The following KIF11 variants were observed in gnomAD, a reference collection of about 807,000 sequenced individuals.
KIF11 encodes kinesin-like protein KIF11.
In KIF11, 9 loss-of-function variants were observed where a neutral mutation model predicts 121.0. The ratio of observed to expected loss-of-function variants is 0.07; its 90% CI spans 0.04 to 0.13. The LOEUF (loss-of-function observed/expected upper bound fraction) is 0.13. KIF11 is among the 10% of genes least tolerant of loss of function. The pLI, the probability that KIF11 is intolerant of heterozygous loss-of-function variation, is 1.00. For missense variants in KIF11, 846 were observed against 1,217.5 expected, an observed-to-expected ratio of 0.69 and a Z score of 4.54; for synonymous variants, 408 against 421.0, an observed-to-expected ratio of 0.97 and a Z score of 0.38.
At position 92,630,169 on chromosome 10, in the gene KIF11, T is replaced by C. The variant is rs1054754482; in HGVS notation, c.1306-7T>C. 2 of 1,449,002 alleles carry C rather than the reference T, an allele frequency of 1.4e-6. No individual in the cohort carries two copies. Among genetic ancestry groups the C allele is most frequent in the Non-Finnish European group, 1.9e-6 (2 of 1,078,682 alleles). 89.8% of individuals were successfully genotyped at this position (1,449,002 alleles called of 1,614,324 possible). On this transcript the variant is annotated splice_polypyrimidine_tract_variant and splice_region_variant and intron_variant, in intron 11 of 21. Coordinates refer to ENST00000260731, the MANE Select transcript of KIF11 (RefSeq NM_004523.4). ...CAGCTCAGCGTTTTTTAAATTCTTA[T>C]ATTTAGGTTACAGAGTTGTTTATGG... is the stretch of plus-strand genomic sequence containing the variant.
At chr10:92,615,848 T>C (rs1844549109) in intron 8 of KIF11, among the ~76,000 whole-genome samples, 1 of 151,206 alleles carries the variant, frequency 6.6e-6, no homozygotes, top group South Asian at 2.1e-4. Flanking sequence ...TTTTGTTTTT[T>C]TTTTTTTTTG....
intron 6 of KIF11, among the ~76,000 whole-genome samples, chr10:92,610,068 T>G (rs949617829): frequency 1.3e-5 from 2 of 152,164 alleles, no homozygotes; most frequent in African/African-American, 4.8e-5. Context: ...AATCCTTTTA[T>G]TCTAGTAACA....
In KIF11 at chr10:92,621,596, T is replaced by G. The variant is rs1234613962; in HGVS notation, c.1217+123T>G. 12 of 595,974 alleles carry G rather than the reference T, an allele frequency of 2.0e-5. No individual in the cohort carries two copies. The East Asian group carries it at 3.6e-4, about 18-fold the overall frequency. 36.9% of individuals were successfully genotyped at this position (595,974 alleles called of 1,614,324 possible). A position where few individuals can be genotyped will look rare whatever the true frequency, so the allele number is the denominator to read the frequency against. On this transcript the variant is annotated intron_variant, in intron 10 of 21. Transcript: ENST00000260731. ...ATCCAGTGCCGATAAATACTTCATT[T>G]TGTGTGTGTGTGTGTTTTCTTTTGA... is the stretch of plus-strand genomic sequence containing the variant.
At chr10:92,606,761 G>A (rs745803939) in intron 3 of KIF11, 45 bp downstream of exon 3, 5 of 972,724 alleles carry the variant, frequency 5.1e-6, no homozygotes, top group African/African-American at 3.3e-5. Flanking sequence ...AAGCTTAAAT[G>A]CTTGTGTTTT....
At chr10:92,635,639 T>C (rs1844787370) in intron 14 of KIF11, among the ~76,000 whole-genome samples, 1 of 152,160 alleles carries the variant, frequency 6.6e-6, no homozygotes, top group South Asian at 2.1e-4. Flanking sequence ...AATACTGTAG[T>C]AGTTACCAAC....
At chr10:92,625,274 GGT>G (rs1844661952) in intron 10 of KIF11, among the ~76,000 whole-genome samples, 1 of 151,848 alleles carries the variant, frequency 6.6e-6, no homozygotes, top group African/African-American at 2.4e-5. Flanking sequence ...AACAATTAAT[GGT>G]GTTAAACATA....
At chr10:92,633,944 C>A in intron 14 of KIF11, 149 bp downstream of exon 14, 1 of 575,452 alleles carries the variant, frequency 1.7e-6, no homozygotes, top group Non-Finnish European at 3.0e-6. Context: ...GTCATAGACA[C>A]GTCACTGTGA....
intron 17 of KIF11, among the ~76,000 whole-genome samples, chr10:92,640,970 A>C (rs1844859448): frequency 7.1e-6 from 1 of 140,132 alleles, no homozygotes; most frequent in Admixed American, 7.4e-5. Context: ...CTGATCTTGA[A>C]CTCCTGGTCT....
At chr10:92,611,623 G>T (rs139876247) in intron 6 of KIF11, among the ~76,000 whole-genome samples, 2,267 of 152,152 alleles carry the variant, frequency 0.015, 31 homozygotes, top group South Asian at 0.035. Context: ...ACTTGGCTGG[G>T]CGCGATGGCT....
At chr10:92,605,273 C>A (rs537034815) in intron 1 of KIF11, among the ~76,000 whole-genome samples, 1 of 152,132 alleles carries the variant, frequency 6.6e-6, no homozygotes, top group Non-Finnish European at 1.5e-5. Flanking sequence ...AATAATATTA[C>A]CAACCTCACA....
In KIF11 at chr10:92,613,655, C is replaced by T. The variant is rs986835370; in HGVS notation, c.1032+36C>T. On this transcript the variant is annotated intron_variant, in intron 8 of 21. Coordinates refer to ENST00000260731, the MANE Select transcript of KIF11 (RefSeq NM_004523.4). This position sits in a 1 kb window ranked among gnomAD's most constrained non-coding sequence, Gnocchi z 4.2. Reference sequence around the variant, plus strand: ...TGAAAGGAAGCTGCAAGTGTAGTAGCTGTAATTCTTATTTGGCTATTATAT... The same window carrying T: ...TGAAAGGAAGCTGCAAGTGTAGTAGTTGTAATTCTTATTTGGCTATTATAT... 6.4e-7 allele frequency: 1 copy of T among 1,564,490 alleles called. No homozygotes were observed. The highest frequency in any genetic ancestry group is 2.0e-5 in the Admixed American group (1 of 49,920).
intron 9 of KIF11, among the ~76,000 whole-genome samples, chr10:92,617,851 G>T (rs999704116): frequency 6.6e-6 from 1 of 151,382 alleles, no homozygotes; most frequent in Non-Finnish European, 1.5e-5. Context: ...GTGATTCTTC[G>T]ACCTCAGTCT....
rs1417276135 is a variant in KIF11 at position 92,613,756 on chromosome 10, G to A, written c.1032+137G>A. On this transcript the variant is annotated intron_variant, in intron 8 of 21. Transcript: ENST00000260731. The surrounding 1 kb of genome is among the most constrained non-coding windows in gnomAD (Gnocchi z 4.2). ...CCCAGCACTTTGGAAGTCCAAGGTG[G>A]GCGGATCACTTGAGCTTAGGAGTGC... is the stretch of plus-strand genomic sequence containing the variant. 2 of 798,824 alleles carry A rather than the reference G, an allele frequency of 2.5e-6. No homozygotes were observed. The highest frequency in any genetic ancestry group is 2.9e-5 in the Admixed American group (1 of 34,196). 49.5% of individuals were successfully genotyped at this position (798,824 alleles called of 1,614,324 possible).
At chr10:92,596,923 A>G (rs1040102628) in intron 1 of KIF11, 11 of 289,512 alleles carry the variant, frequency 3.8e-5, no homozygotes, top group African/African-American at 1.1e-4. Flanking sequence ...GTTCTGTGCT[A>G]TGTGTCTGCA....
intron 18 of KIF11, 128 bp downstream of exon 18, chr10:92,645,770 A>G (rs1324923215): frequency 2.9e-6 from 2 of 687,016 alleles, no homozygotes; most frequent in African/African-American, 3.6e-5. Flanking sequence ...TTTAAGTATA[A>G]TATTTGGTAT....
intron 18 of KIF11, 100 bp downstream of exon 18, chr10:92,645,742 GCTATAATGA>G (rs1844911813): frequency 1.0e-6 from 1 of 958,158 alleles, no homozygotes; most frequent in Non-Finnish European, 1.5e-6. Context: ...GATATTTTAA[GCTATAATGA>G]CTTAAACTTT....
chr10:92,609,775 T>A (rs1844474532), intron 6 of KIF11, among the ~76,000 whole-genome samples: 1 of 152,150 alleles, frequency 6.6e-6, no homozygotes, highest in South Asian at 2.1e-4. Flanking sequence ...TCGCTCTTGT[T>A]ACCCAGGCTG....
At chr10:92,618,873 C>G (rs910386961) in intron 9 of KIF11, among the ~76,000 whole-genome samples, 2 of 151,976 alleles carry the variant, frequency 1.3e-5, no homozygotes, top group Admixed American at 6.6e-5. Flanking sequence ...CCACGAGGAC[C>G]CTTCATATTG....
At chr10:92,648,070 C>T in intron 18 of KIF11, 142 bp from the exon 19 acceptor site, 3 of 599,600 alleles carry the variant, frequency 5.0e-6, no homozygotes, top group South Asian at 2.2e-5. Flanking sequence ...ACTCATGCCA[C>T]TGCACTCCAG....
Sources: gnomAD v4.1 joint callset for allele counts (sites outside exome capture counted in the v4.1 genomes callset) on GRCh38, gnomAD v4.1.1 for gene constraint, Gnocchi (gnomAD v3.1) non-coding constraint, MANE v1.5 for transcripts, NCBI Gene and HGNC (gene_info 2026-07-23, HGNC 2026-07-21) for gene names.